The following PLRG1 variants were observed in gnomAD, a reference collection of about 807,000 sequenced individuals.
PLRG1 encodes the protein pleiotropic regulator 1.
A neutral mutation model predicts 74.9 loss-of-function variants in PLRG1; 28 were observed. That is an observed-to-expected ratio of 0.37 (90% confidence interval 0.28 to 0.51). The LOEUF (loss-of-function observed/expected upper bound fraction) is 0.51, where lower values mean the gene tolerates loss of function less well. Ranked by LOEUF, PLRG1 falls within the 20% of genes least tolerant of loss-of-function variation. PLRG1 has a pLI of 0.91. For synonymous variants in PLRG1, 197 were observed against 212.4 expected, an observed-to-expected ratio of 0.93 and a Z score of 0.63; for missense variants, 445 against 631.9, an observed-to-expected ratio of 0.70 and a Z score of 3.17.
At chr4:154,549,674 G>C (rs760409264) in intron 1 of PLRG1, 1 of 456,304 alleles carries the variant, frequency 2.2e-6, no homozygotes, top group South Asian at 1.5e-5. Context: ...GTTTTAAACA[G>C]AACAACTTAT....
chr4:154,538,870 G>A (rs979102698), intron 12 of PLRG1: 9 of 447,782 alleles, frequency 2.0e-5, no homozygotes, highest in African/African-American at 1.6e-4. Context: ...GATTTACACT[G>A]TCTCATTTGA....
At chr4:154,545,524 AAAG>A (rs986068623) in intron 6 of PLRG1, among the ~76,000 whole-genome samples, 7 of 152,200 alleles carry the variant, frequency 4.6e-5, no homozygotes, top group Non-Finnish European at 8.8e-5. Flanking sequence ...ATAAAAAAAA[AAAG>A]ACTTTCATAT....
intron 13 of PLRG1, 89 bp from the exon 14 acceptor site, chr4:154,537,568 G>T: frequency 1.2e-6 from 1 of 844,562 alleles, no homozygotes; most frequent in South Asian, 1.7e-5. Flanking sequence ...CCAAGCATGG[G>T]AATACTACGG....
intron 4 of PLRG1, 48 bp from the exon 5 acceptor site, chr4:154,546,261 T>C (rs767122334): frequency 6.1e-5 from 57 of 927,334 alleles, no homozygotes; most frequent in Non-Finnish European, 8.7e-5. Flanking sequence ...GTATTATTCA[T>C]TTACATGCAC....
In PLRG1 at chr4:154,536,552, T is replaced by G. The variant is rs1323472311; in HGVS notation, c.*133A>C. 6.2e-6 allele frequency: 4 copies of G among 643,872 alleles called. No homozygotes were observed. The South Asian group carries it at 7.0e-5, about 11-fold the overall frequency. The allele number at this position is 643,872 out of a possible 1,614,324, so 39.9% of individuals were successfully genotyped here. A position where few individuals can be genotyped will look rare whatever the true frequency, so the allele number is the denominator to read the frequency against. ...TTTATTGTAAAATATGAAGCAGCAA[T>G]GATTGAAGCAAGTGAATTTCTCCTT... On this transcript the variant is annotated 3_prime_UTR_variant, in exon 15 of 15. Coordinates refer to ENST00000499023, the MANE Select transcript of PLRG1 (RefSeq NM_002669.4).
chr4:154,540,291 T>C (rs894992033), intron 10 of PLRG1: 2 of 582,962 alleles, frequency 3.4e-6, no homozygotes, highest in Non-Finnish European at 6.1e-6. Flanking sequence ...AGAATGAGTA[T>C]GATGGGACTA....
At chr4:154,544,843 GGAA>G (rs1204596706) in intron 6 of PLRG1, among the ~76,000 whole-genome samples, 1 of 152,020 alleles carries the variant, frequency 6.6e-6, no homozygotes, top group Non-Finnish European at 1.5e-5. Context: ...CTGTAAAATG[GGAA>G]GAATAGTGCC....
At chr4:154,542,093 C>T (rs1428241952) in intron 8 of PLRG1, 94 bp downstream of exon 8, 69 of 750,830 alleles carry the variant, frequency 9.2e-5, no homozygotes, top group Non-Finnish European at 1.4e-4. Flanking sequence ...AACAGAGGAA[C>T]TGCAATAGCA....
At chr4:154,550,110 A>G (rs1354213317) in intron 1 of PLRG1, among the ~76,000 whole-genome samples, 190 bp downstream of exon 1, 1 of 152,150 alleles carries the variant, frequency 6.6e-6, no homozygotes, top group East Asian at 1.9e-4. Flanking sequence ...TGAACCTCCG[A>G]CTCGGGTTCT....
Position 154,537,293 on chromosome 4 carries a change from T to A in PLRG1, c.1478A>T (p.Asp493Val). 6.2e-7 allele frequency: 1 copy of A among 1,608,988 alleles called. No individual in the cohort carries two copies. Among genetic ancestry groups the A allele is most frequent in the Non-Finnish European group, 8.5e-7 (1 of 1,176,184 alleles). ...GTGAAACACAGAACTTACGGCTGTGTCATCCTCTCTGTATACTTTAATGGT... is the reference window on the plus strand; with the variant it reads ...GTGAAACACAGAACTTACGGCTGTGACATCCTCTCTGTATACTTTAATGGT... ...DKTIKVYRED[D>V]TATEETHPVS... is the part of the protein sequence containing the mutation. Residue 493 changes from aspartate to valine, a missense_variant, in exon 14 of 15, where the codon GAC (aspartate) becomes GTC (valine). Asp to Val is a radical substitution (Grantham distance 152). This residue lies in a region of PLRG1 where 221 missense variants were observed against 377.7 expected (regional missense o/e 0.59). Coordinates refer to ENST00000499023, the MANE Select transcript of PLRG1 (RefSeq NM_002669.4).
intron 12 of PLRG1, among the ~76,000 whole-genome samples, chr4:154,538,440 G>C (rs1157063098): frequency 3.3e-5 from 5 of 152,006 alleles, no homozygotes. Flanking sequence ...TGGAGGGAGG[G>C]AGAGCAAGAC....
chr4:154,547,325 G>A (rs1334756359), intron 3 of PLRG1, among the ~76,000 whole-genome samples: 1 of 152,074 alleles, frequency 6.6e-6, no homozygotes, highest in Non-Finnish European at 1.5e-5. Context: ...TTTCTTCCAA[G>A]CAAATGGTTT....
intron 5 of PLRG1, 79 bp downstream of exon 5, chr4:154,546,044 T>C (rs1391311862): frequency 1.8e-6 from 2 of 1,100,908 alleles, no homozygotes; most frequent in East Asian, 2.6e-5. Flanking sequence ...CATATAATAG[T>C]TATAAAGAAA....
chr4:154,539,471 T>C (rs1478402085), intron 11 of PLRG1, among the ~76,000 whole-genome samples: 1 of 152,058 alleles, frequency 6.6e-6, no homozygotes, highest in Non-Finnish European at 1.5e-5. Flanking sequence ...AAATATATAA[T>C]TGTATACCCT....
Position 154,538,128 on chromosome 4 carries a change from A to T in PLRG1, c.1152-20T>A. 7.4e-7 allele frequency: 1 copy of T among 1,342,784 alleles called. No homozygotes were observed. The highest frequency in any genetic ancestry group is 2.4e-5 in the East Asian group (1 of 42,214). The allele number at this position is 1,342,784 out of a possible 1,614,324, so 83.2% of individuals were successfully genotyped here. A position where few individuals can be genotyped will look rare whatever the true frequency, so the allele number is the denominator to read the frequency against. On this transcript the variant is annotated intron_variant, in intron 12 of 14. Coordinates refer to ENST00000499023, the MANE Select transcript of PLRG1 (RefSeq NM_002669.4). Reference sequence around the variant, plus strand: ...GTGTAACTGAAATAATATTAAAAAGAATTAACGACAAAGTAAACCAAGTTA... The same window carrying T: ...GTGTAACTGAAATAATATTAAAAAGTATTAACGACAAAGTAAACCAAGTTA...
chr4:154,546,049 A>C, intron 5 of PLRG1, 74 bp downstream of exon 5: 1 of 1,122,102 alleles, frequency 8.9e-7, no homozygotes, highest in South Asian at 1.4e-5. Flanking sequence ...AATAGTTATA[A>C]AGAAATTTTA....
chr4:154,547,986 C>T (rs979494751), intron 2 of PLRG1, 133 bp from the exon 3 acceptor site: 1 of 621,356 alleles, frequency 1.6e-6, no homozygotes, highest in African/African-American at 1.9e-5. Context: ...TCAAAAATTT[C>T]CAAGGGCATT....
intron 11 of PLRG1, 83 bp downstream of exon 11, chr4:154,539,861 GCAAGAGT>G (rs1263802148): frequency 6.1e-5 from 47 of 768,790 alleles, no homozygotes. Context: ...ACAATACAGA[GCAAGAGT>G]CATCATGAAT....
In PLRG1 at chr4:154,539,228, C is replaced by T. The variant is rs774972310; in HGVS notation, c.1043-15G>A. ...ATCATGGCTTCCTGTAATGGAAACACATATATCCCTCAAAACATAGACCAG... is the reference window on the plus strand; with the variant it reads ...ATCATGGCTTCCTGTAATGGAAACATATATATCCCTCAAAACATAGACCAG... On this transcript the variant is annotated splice_polypyrimidine_tract_variant and intron_variant, in intron 11 of 14. Coordinates refer to ENST00000499023, the MANE Select transcript of PLRG1 (RefSeq NM_002669.4). The T allele has an allele frequency of 3.6e-6, 5 of 1,384,600 alleles. No individual in the cohort carries two copies. Among genetic ancestry groups the T allele is most frequent in the Admixed American group, 3.4e-5 (2 of 59,564 alleles). 85.8% of individuals were successfully genotyped at this position (1,384,600 alleles called of 1,614,324 possible).
Sources: allele counts gnomAD v4.1 joint callset (sites outside exome capture counted in the v4.1 genomes callset), GRCh38; gene constraint gnomAD v4.1.1; regional missense constraint gnomAD v4.1.1; transcripts MANE v1.5; gene names NCBI Gene and HGNC (gene_info 2026-07-23, HGNC 2026-07-21).